The following KLHL1 variants were observed in gnomAD, a reference collection of about 807,000 sequenced individuals.
KLHL1 encodes kelch-like protein 1.
A neutral mutation model predicts 77.7 loss-of-function variants in KLHL1; 47 were observed. The observed-to-expected ratio is 0.60, with a 90% CI of 0.48 to 0.77. KLHL1 has a LOEUF of 0.77. Among genes scored for constraint, KLHL1 ranks in the 30% least tolerant of loss-of-function variants. KLHL1 has a pLI of 0.00. For missense variants in KLHL1, 925 were observed against 910.8 expected, an observed-to-expected ratio of 1.02 and a Z score of -0.20; for synonymous variants, 360 against 325.2, an observed-to-expected ratio of 1.11 and a Z score of -1.15.
intron 1 of KLHL1, among the ~76,000 whole-genome samples, chr13:70,039,364 AT>A (rs748776051): frequency 4.0e-4 from 61 of 152,210 alleles, no homozygotes; most frequent in Admixed American, 2.1e-3. Context: ...GATTACAGGA[AT>A]GAGTCACCAG....
chr13:69,965,360 T>C (rs1884182605), intron 2 of KLHL1, among the ~76,000 whole-genome samples: 1 of 152,204 alleles, frequency 6.6e-6, no homozygotes, highest in Non-Finnish European at 1.5e-5. Context: ...TGAGCAGTGA[T>C]CTTTGATGTT....
At chr13:69,969,897 T>C (rs945842915) in intron 2 of KLHL1, among the ~76,000 whole-genome samples, 18 of 151,174 alleles carry the variant, frequency 1.2e-4, no homozygotes, top group African/African-American at 3.9e-4. Context: ...AAATCTCTTA[T>C]TGAGGTCACT....
intron 1 of KLHL1, among the ~76,000 whole-genome samples, chr13:70,071,267 A>G (rs1269395163): frequency 6.6e-6 from 1 of 152,116 alleles, no homozygotes; most frequent in East Asian, 1.9e-4. Flanking sequence ...AGAAGATATA[A>G]AGAGCAGCAC....
At chr13:69,815,980 A>C (rs1878103846) in intron 6 of KLHL1, among the ~76,000 whole-genome samples, 2 of 152,176 alleles carry the variant, frequency 1.3e-5, no homozygotes, top group Middle Eastern at 3.4e-3. Flanking sequence ...GTTGGTATAT[A>C]AAACATATTA....
chr13:69,735,556 A>G (rs76267086), intron 8 of KLHL1, among the ~76,000 whole-genome samples: 1 of 149,280 alleles, frequency 6.7e-6, no homozygotes, highest in Admixed American at 6.7e-5. Flanking sequence ...TTAATGTATA[A>G]ATAGATATAA....
Position 70,064,688 on chromosome 13 carries a change from T to G in KLHL1, c.497+42515A>C, listed in dbSNP as rs370145961. Among the ~76,000 whole-genome samples the G allele has an allele frequency of 6.7e-4, 102 of 152,248 alleles. 2 individuals carry two copies. In the South Asian group the frequency reaches 0.021, roughly 32 times the overall value. The stretch of plus-strand genomic sequence containing the variant: ...GGTATCTGGTACAATACATATATTC[T>G]GAAAAAAATACAGAAATACAATAAA... On this transcript the variant is annotated intron_variant, in intron 1 of 10. Transcript: ENST00000377844.
chr13:69,923,972 C>A (rs908299360), intron 4 of KLHL1, among the ~76,000 whole-genome samples: 1 of 152,204 alleles, frequency 6.6e-6, no homozygotes, highest in African/African-American at 2.4e-5. Context: ...TTCCTACTCC[C>A]GGCACCTGCT....
At chr13:69,916,876 A>G (rs1882462040) in intron 4 of KLHL1, among the ~76,000 whole-genome samples, 1 of 152,126 alleles carries the variant, frequency 6.6e-6, no homozygotes, top group Non-Finnish European at 1.5e-5. Context: ...AAAGAATCTT[A>G]TCAGAATATT....
intron 1 of KLHL1, among the ~76,000 whole-genome samples, chr13:70,052,359 C>T (rs1194275146): frequency 1.3e-5 from 2 of 151,702 alleles, no homozygotes; most frequent in Non-Finnish European, 2.9e-5. Context: ...TTTAAGTTAT[C>T]TATCATTTCT....
At chr13:69,973,735 A>G (rs890094522) in intron 2 of KLHL1, among the ~76,000 whole-genome samples, 1 of 152,022 alleles carries the variant, frequency 6.6e-6, no homozygotes, top group Non-Finnish European at 1.5e-5. Context: ...GCGTCACACA[A>G]TATTTATTTG....
chr13:69,852,910 T>C (rs1053366337), intron 5 of KLHL1, among the ~76,000 whole-genome samples: 2 of 151,974 alleles, frequency 1.3e-5, no homozygotes, highest in Non-Finnish European at 2.9e-5. Flanking sequence ...AAGGCATTAA[T>C]AGAATTTAGA....
chr13:69,748,105 T>C (rs1874297339), intron 7 of KLHL1, among the ~76,000 whole-genome samples: 1 of 151,900 alleles, frequency 6.6e-6, no homozygotes, highest in Admixed American at 6.6e-5. Context: ...AACATATAAA[T>C]ATTGAAAGAT....
intron 4 of KLHL1, among the ~76,000 whole-genome samples, chr13:69,899,018 AT>A (rs4053609): frequency 0.74 from 108,697 of 146,038 alleles, 41,328 homozygotes; most frequent in East Asian, 0.9. Context: ...AAAATTACAC[AT>A]TTTTTTTTTT....
At chr13:69,897,408 G>A (rs1400072898) in intron 4 of KLHL1, among the ~76,000 whole-genome samples, 1 of 152,100 alleles carries the variant, frequency 6.6e-6, no homozygotes, top group Admixed American at 6.5e-5. Flanking sequence ...TGACATCAAC[G>A]GACATTCTAC....
intron 2 of KLHL1, among the ~76,000 whole-genome samples, chr13:69,972,240 A>T (rs1392513545): frequency 2.0e-5 from 3 of 151,904 alleles, no homozygotes; most frequent in Non-Finnish European, 2.9e-5. Context: ...AGTGCTACTA[A>T]ATGCATCATT....
intron 1 of KLHL1, among the ~76,000 whole-genome samples, chr13:70,052,223 A>C (rs2137393325): frequency 6.6e-6 from 1 of 152,072 alleles, no homozygotes; most frequent in South Asian, 2.1e-4. Flanking sequence ...AATATGAGTT[A>C]GGTCTCCTGT....
intron 3 of KLHL1, among the ~76,000 whole-genome samples, chr13:69,954,052 A>G (rs74090650): frequency 0.048 from 7,298 of 151,330 alleles, 238 homozygotes; most frequent in African/African-American, 0.096. Flanking sequence ...AAGTAATTTG[A>G]CCAAGATCCA....
At chr13:69,870,334 C>A (rs1469218434) in intron 5 of KLHL1, among the ~76,000 whole-genome samples, 1 of 152,050 alleles carries the variant, frequency 6.6e-6, no homozygotes, top group Non-Finnish European at 1.5e-5. Context: ...ATAACTCACT[C>A]ATTACCATGA....
intron 1 of KLHL1, among the ~76,000 whole-genome samples, chr13:70,095,831 C>G (rs531805212): frequency 6.6e-6 from 1 of 151,830 alleles, no homozygotes; most frequent in East Asian, 1.9e-4. Context: ...CTCCCTCCAC[C>G]CCCCCCACCA....
Sources: gnomAD v4.1 joint callset for allele counts (sites outside exome capture counted in the v4.1 genomes callset) on GRCh38, gnomAD v4.1.1 for gene constraint, MANE v1.5 for transcripts, NCBI Gene and HGNC (gene_info 2026-07-23, HGNC 2026-07-21) for gene names.